Variants in SLC30A3 observed in about 807,000 individuals in gnomAD.
SLC30A3 encodes solute carrier family 30 member 3, also known as probable proton-coupled zinc antiporter SLC30A3.
In SLC30A3, 20 loss-of-function variants were observed where a neutral mutation model predicts 35.6. The observed-to-expected ratio is 0.56, with a 90% confidence interval of 0.39 to 0.82. The LOEUF is 0.82. SLC30A3 is among the 40% of genes least tolerant of loss of function. The pLI is 0.00. For synonymous variants in SLC30A3, 217 were observed against 224.7 expected, an observed-to-expected ratio of 0.97 and a Z score of 0.31; for missense variants, 401 against 530.6, an observed-to-expected ratio of 0.76 and a Z score of 2.40.
At chr2:27,274,183 G>T (rs1377087681) in intron 1 of SLC30A3, among the ~76,000 whole-genome samples, 1 of 152,198 alleles carries the variant, frequency 6.6e-6, no homozygotes, top group East Asian at 1.9e-4. Context: ...AAATTAGCCA[G>T]GCGTGGTGGC....
intron 1 of SLC30A3, among the ~76,000 whole-genome samples, chr2:27,274,711 G>A (rs550691895): frequency 1.3e-5 from 2 of 151,556 alleles, no homozygotes; most frequent in African/African-American, 4.9e-5. Context: ...AAATCATTTC[G>A]ACCCAATAAT....
rs1677258651 is a variant in SLC30A3 at position 27,262,542 on chromosome 2, G to A, written c.95+270C>T. 6.6e-6 allele frequency among the ~76,000 whole-genome samples: 1 copy of A among 152,204 alleles called. No homozygotes were observed. The highest frequency in any genetic ancestry group is 2.4e-5 in the African/African-American group (1 of 41,546). On this transcript the variant is annotated intron_variant, in intron 1 of 7. Coordinates refer to ENST00000233535, the MANE Select transcript of SLC30A3 (RefSeq NM_003459.5). This position sits in a 1 kb window ranked among gnomAD's most constrained non-coding sequence, Gnocchi z 7.5. ...AGGGAAGGCAGGCGCCGCGGGGGTGGCGGAGGGGTCCGGCGGCCTGGGACG... is the reference window on the plus strand; with the variant it reads ...AGGGAAGGCAGGCGCCGCGGGGGTGACGGAGGGGTCCGGCGGCCTGGGACG...
chr2:27,256,998 A>G lies in SLC30A3; in HGVS notation c.778-105T>C, dbSNP rs560885205. On this transcript the variant is annotated intron_variant, in intron 5 of 7. Coordinates refer to ENST00000233535, the MANE Select transcript of SLC30A3 (RefSeq NM_003459.5). ...CCTGAGAGGCCCCTCAAAACCCTGA[A>G]GAGGGGACAGGGAACATGACTCATG... is the stretch of plus-strand genomic sequence containing the variant. The G allele has an allele frequency of 6.5e-5, 72 of 1,101,524 alleles. 1 individual carries two copies. The South Asian group carries it at 9.3e-4, about 14-fold the overall frequency. The allele number at this position is 1,101,524 out of a possible 1,614,324, so 68.2% of individuals were successfully genotyped here.
upstream of SLC30A3, among the ~76,000 whole-genome samples, chr2:27,265,314 CG>C (rs1677453959): frequency 6.6e-6 from 1 of 152,214 alleles, no homozygotes; most frequent in Admixed American, 6.5e-5. The surrounding 1 kb of genome is among the most constrained non-coding windows in gnomAD (Gnocchi z 5.9). Flanking sequence ...AAACCGAGGG[CG>C]CCGGCGGTGG....
At chr2:27,263,072 G>C (rs1677308770), upstream of SLC30A3, 1 of 1,354,608 alleles carries the variant, frequency 7.4e-7, no homozygotes, top group East Asian at 3.1e-5. Context: ...CCGAACTGCA[G>C]ATCCCGCTGC....
chr2:27,259,094 G>T (rs554351367), intron 1 of SLC30A3, 160 bp from the exon 2 acceptor site: 4 of 593,538 alleles, frequency 6.7e-6, no homozygotes, highest in Non-Finnish European at 8.9e-6. Flanking sequence ...AGAGACCGGG[G>T]CTAAATGAAC....
intron 1 of SLC30A3, among the ~76,000 whole-genome samples, chr2:27,273,316 G>C (rs538089164): frequency 6.6e-6 from 1 of 152,116 alleles, no homozygotes; most frequent in Non-Finnish European, 1.5e-5. Flanking sequence ...AGAGGAAAGC[G>C]GTGGAGCAGA....
intron 1 of SLC30A3, among the ~76,000 whole-genome samples, chr2:27,273,050 A>AT (rs61117815): frequency 0.043 from 6,191 of 144,730 alleles, 158 homozygotes; most frequent in African/African-American, 0.062. Flanking sequence ...AAAAAAAAAA[A>AT]AATATATATA....
At chr2:27,256,766 G>C (rs915795200) in intron 6 of SLC30A3, 22 bp downstream of exon 6, 2 of 1,527,502 alleles carry the variant, frequency 1.3e-6, no homozygotes, top group Non-Finnish European at 1.8e-6. Flanking sequence ...ACAGGGATGG[G>C]GAGCTGTGGT....
At chr2:27,275,331 G>T in exon 1 of SLC30A3, 2 of 701,472 alleles carry the variant, frequency 2.9e-6, no homozygotes, top group East Asian at 6.5e-5. Context: ...TGGGCCGCAG[G>T]CCTGCTAAGC....
In SLC30A3 at chr2:27,262,986, G is replaced by A. The variant is rs1677301326; in HGVS notation, c.-80C>T. 3 of 1,425,838 alleles carry A rather than the reference G, an allele frequency of 2.1e-6. No individual in the cohort carries two copies. The highest frequency in any genetic ancestry group is 1.8e-6 in the Non-Finnish European group (2 of 1,097,904). 88.3% of individuals were successfully genotyped at this position (1,425,838 alleles called of 1,614,324 possible). On this transcript the variant is annotated 5_prime_UTR_variant, in exon 1 of 8. Transcript: ENST00000233535. This position sits in a 1 kb window ranked among gnomAD's most constrained non-coding sequence, Gnocchi z 7.5. ...GCCCCGCGCCAAGTCCGAGCAGCCC[G>A]CCGACCCCCGGGATCCCCGCAGGGC...
upstream of SLC30A3, among the ~76,000 whole-genome samples, chr2:27,265,786 C>A (rs1321976184): frequency 6.6e-6 from 1 of 152,128 alleles, no homozygotes; most frequent in East Asian, 1.9e-4. The surrounding 1 kb of genome is among the most constrained non-coding windows in gnomAD (Gnocchi z 5.9). Flanking sequence ...TGCTACAGGG[C>A]AAGCTCCCTG....
At chr2:27,268,348 G>A (rs1253598376) in intron 1 of SLC30A3, among the ~76,000 whole-genome samples, 2 of 152,204 alleles carry the variant, frequency 1.3e-5, no homozygotes, top group African/African-American at 4.8e-5. Context: ...TTGAGTAAGT[G>A]AATTGATTAA....
chr2:27,257,842 C>T lies in SLC30A3; in HGVS notation c.578+63G>A. 6.6e-7 allele frequency: 1 copy of T among 1,513,858 alleles called. No homozygotes were observed. The highest frequency in any genetic ancestry group is 2.4e-5 in the East Asian group (1 of 41,620). 93.8% of individuals were successfully genotyped at this position (1,513,858 alleles called of 1,614,324 possible). Reference sequence around the variant, plus strand: ...GTGGGGAGGAGAGAGCCAGCTCTCCCATCCTGGAGGAAGACCCCTCGCCCT... The same window carrying T: ...GTGGGGAGGAGAGAGCCAGCTCTCCTATCCTGGAGGAAGACCCCTCGCCCT... On this transcript the variant is annotated intron_variant, in intron 4 of 7. Coordinates refer to ENST00000233535, the MANE Select transcript of SLC30A3 (RefSeq NM_003459.5). This position sits in a 1 kb window ranked among gnomAD's most constrained non-coding sequence, Gnocchi z 4.7.
upstream of SLC30A3, chr2:27,264,031 T>C (rs1173192205): frequency 2.7e-5 from 35 of 1,288,292 alleles, no homozygotes; most frequent in Non-Finnish European, 2.2e-5. The surrounding 1 kb of genome is among the most constrained non-coding windows in gnomAD (Gnocchi z 6.1). Flanking sequence ...TGGCCGAGCC[T>C]CAAGTCGAAG....
At position 27,271,245 on chromosome 2, in the gene SLC30A3, A is replaced by T. The variant is rs1441740599; in HGVS notation, c.-159+3932T>A. Among the ~76,000 whole-genome samples, 1 of 152,164 alleles carries T rather than the reference A, an allele frequency of 6.6e-6. No individual in the cohort carries two copies. Among genetic ancestry groups the T allele is most frequent in the African/African-American group, 2.4e-5 (1 of 41,442 alleles). On this transcript the variant is annotated intron_variant, in intron 1 of 5. Coordinates refer to the SLC30A3 transcript ENST00000424577. This position sits in a 1 kb window ranked among gnomAD's most constrained non-coding sequence, Gnocchi z 4.3. ...TGGTATTTTGGGTATAAATATGCCAATGTCTGCTGTCTGTATGTGTGTGTA... is the reference window on the plus strand; with the variant it reads ...TGGTATTTTGGGTATAAATATGCCATTGTCTGCTGTCTGTATGTGTGTGTA...
At chr2:27,273,037 C>CA (rs1166810598) in intron 1 of SLC30A3, among the ~76,000 whole-genome samples, 8,148 of 92,674 alleles carry the variant, frequency 0.088, 432 homozygotes, top group African/African-American at 0.2. Context: ...GACCTTGTCT[C>CA]AAAAAAAAAA....
upstream of SLC30A3, among the ~76,000 whole-genome samples, chr2:27,264,463 G>T (rs1412703095): frequency 3.3e-5 from 5 of 152,256 alleles, no homozygotes; most frequent in African/African-American, 1.2e-4. This position sits in a 1 kb window ranked among gnomAD's most constrained non-coding sequence, Gnocchi z 6.1. Context: ...GGAAAGCTGG[G>T]CGGCGGGCTG....
intron 1 of SLC30A3, 69 bp from the exon 2 acceptor site, chr2:27,259,003 TC>T: frequency 7.7e-7 from 1 of 1,295,506 alleles, no homozygotes; most frequent in South Asian, 1.5e-5. Context: ...ACGTCCTTAG[TC>T]CCCAGTGCTG....
Sources: allele counts gnomAD v4.1 joint callset (sites outside exome capture counted in the v4.1 genomes callset), GRCh38; gene constraint gnomAD v4.1.1; non-coding constraint Gnocchi (gnomAD v3.1); transcripts MANE v1.5; gene names NCBI Gene and HGNC (gene_info 2026-07-23, HGNC 2026-07-21).